Variants in NFATC1 observed in about 807,000 individuals in gnomAD.
NFATC1 encodes nuclear factor of activated T-cells, cytoplasmic 1.
NFATC1 carries 22 observed loss-of-function variants against 76.0 expected under a neutral mutation model. That is an observed-to-expected ratio of 0.29 (90% CI 0.21 to 0.41). The LOEUF (loss-of-function observed/expected upper bound fraction) is 0.41. Ranked by LOEUF, NFATC1 falls within the 10% of genes least tolerant of loss-of-function variation. The pLI is 1.00. For synonymous variants in NFATC1, 704 were observed against 613.1 expected, an observed-to-expected ratio of 1.15 and a Z score of -2.19; for missense variants, 1,357 against 1,337.7, an observed-to-expected ratio of 1.01 and a Z score of -0.23.
At chr18:79,484,541 A>G (rs1034287097) in intron 8 of NFATC1, among the ~76,000 whole-genome samples, 25 of 151,724 alleles carry the variant, frequency 1.6e-4, no homozygotes, top group Admixed American at 1.5e-3. Flanking sequence ...CTCCCCACTC[A>G]GTGTGCAGGG....
chr18:79,459,985 C>A (rs1035872543), intron 6 of NFATC1, among the ~76,000 whole-genome samples: 2 of 152,232 alleles, frequency 1.3e-5, no homozygotes, highest in Non-Finnish European at 2.9e-5. Context: ...ACTCAGATGG[C>A]TTCAAGCGCA....
At chr18:79,438,459 CA>C (rs143905735) in intron 3 of NFATC1, among the ~76,000 whole-genome samples, 2,067 of 152,322 alleles carry the variant, frequency 0.014, 51 homozygotes, top group African/African-American at 0.046. Context: ...ACCTCTGACC[CA>C]GGGGTCAAAT....
chr18:79,450,910 C>T (rs755429103), intron 4 of NFATC1, 44 bp from the exon 5 acceptor site: 29 of 1,590,128 alleles, frequency 1.8e-5, no homozygotes, highest in African/African-American at 4.0e-5. Context: ...TACGCTCCCG[C>T]GTCAGCCATT....
intron 8 of NFATC1, among the ~76,000 whole-genome samples, chr18:79,481,893 G>A (rs1392546898): frequency 1.3e-5 from 2 of 149,564 alleles, no homozygotes; most frequent in Non-Finnish European, 3.0e-5. Flanking sequence ...TGTCATTCCA[G>A]CGTGACCTGG....
At chr18:79,406,447 G>A (rs539434996) in intron 1 of NFATC1, among the ~76,000 whole-genome samples, 7 of 152,204 alleles carry the variant, frequency 4.6e-5, no homozygotes, top group East Asian at 3.9e-4. Flanking sequence ...TCGGATCCAC[G>A]CTGCCATCGT....
At chr18:79,468,001 T>TA (rs2088605977) in intron 8 of NFATC1, 1 of 1,006,428 alleles carries the variant, frequency 9.9e-7, no homozygotes, top group African/African-American at 1.7e-5. Context: ...TTTAAGCCTG[T>TA]AGTCCTGATG....
chr18:79,478,754 C>T (rs1378766240), intron 8 of NFATC1, among the ~76,000 whole-genome samples: 1 of 152,192 alleles, frequency 6.6e-6, no homozygotes, highest in East Asian at 1.9e-4. Context: ...TCACCTGGGG[C>T]GGAAGCCCCC....
At chr18:79,527,206 C>T (rs1271243717) in intron 9 of NFATC1, 2 of 270,774 alleles carry the variant, frequency 7.4e-6, no homozygotes, top group Non-Finnish European at 1.4e-5. Flanking sequence ...CTGTGGGTCG[C>T]TTGGTTCGTG....
At chr18:79,455,637 C>T (rs1387018826) in intron 6 of NFATC1, among the ~76,000 whole-genome samples, 2 of 152,126 alleles carry the variant, frequency 1.3e-5, no homozygotes, top group Non-Finnish European at 2.9e-5. Context: ...AGACAGAGCC[C>T]CTCCCGGAGG....
intron 3 of NFATC1, among the ~76,000 whole-genome samples, chr18:79,444,547 C>T (rs1250929994): frequency 6.6e-6 from 1 of 152,200 alleles, no homozygotes; most frequent in Non-Finnish European, 1.5e-5. Flanking sequence ...CTGAAGGGGC[C>T]AGGGCAGGGC....
chr18:79,422,640 C>T (rs891819134), intron 2 of NFATC1: 1 of 152,240 alleles, frequency 6.6e-6, no homozygotes, highest in Non-Finnish European at 1.5e-5. Flanking sequence ...GATCCCACAG[C>T]GAGGCCCTGT....
At chr18:79,519,199 A>C (rs1372518377) in intron 9 of NFATC1, among the ~76,000 whole-genome samples, 3 of 152,232 alleles carry the variant, frequency 2.0e-5, no homozygotes, top group Admixed American at 2.0e-4. Context: ...GGAAAGTGGG[A>C]GAATTTTAGT....
In NFATC1 at chr18:79,433,773, T is replaced by G. The variant is rs760038753; in HGVS notation, c.1386+35T>G. 40 of 1,589,490 alleles carry G rather than the reference T, an allele frequency of 2.5e-5. No homozygotes were observed. The Admixed American group carries it at 7.0e-4, about 28-fold the overall frequency. On this transcript the variant is annotated intron_variant, in intron 3 of 9. Transcript: ENST00000427363. ...GCGGCCAGACTCGCACGTCACTTGGTGCTTTTGTGGTCAAAAAGTAACTTT... is the reference window on the plus strand; with the variant it reads ...GCGGCCAGACTCGCACGTCACTTGGGGCTTTTGTGGTCAAAAAGTAACTTT...
At chr18:79,521,134 G>A (rs1241378235) in intron 9 of NFATC1, among the ~76,000 whole-genome samples, 2 of 85,710 alleles carry the variant, frequency 2.3e-5, no homozygotes, top group African/African-American at 5.4e-5. Context: ...GCTGATGTGT[G>A]TGTCTGTGTG....
intron 8 of NFATC1, among the ~76,000 whole-genome samples, chr18:79,482,888 C>T (rs1331690519): frequency 1.8e-5 from 1 of 54,690 alleles, no homozygotes; most frequent in Non-Finnish European, 3.4e-5. Context: ...TTCCTGGGGT[C>T]TCATTCCAGC....
chr18:79,424,346 G>A (rs1194140972), intron 2 of NFATC1, among the ~76,000 whole-genome samples: 2 of 152,234 alleles, frequency 1.3e-5, no homozygotes, highest in East Asian at 3.9e-4. Flanking sequence ...CAGGTCAGGG[G>A]GCAAAGCTGG....
chr18:79,492,175 G>C (rs1313191794), intron 9 of NFATC1, among the ~76,000 whole-genome samples: 1 of 152,204 alleles, frequency 6.6e-6, no homozygotes, highest in Non-Finnish European at 1.5e-5. Context: ...AGGGGTCTGA[G>C]GAGGGCAGTT....
chr18:79,438,360 C>T (rs1400756457), intron 3 of NFATC1, among the ~76,000 whole-genome samples: 1 of 152,204 alleles, frequency 6.6e-6, no homozygotes, highest in East Asian at 1.9e-4. Context: ...GAGAAGATGT[C>T]TTTGCAGCAC....
At chr18:79,429,092 G>A (rs951803491) in intron 2 of NFATC1, among the ~76,000 whole-genome samples, 1 of 152,020 alleles carries the variant, frequency 6.6e-6, no homozygotes, top group Non-Finnish European at 1.5e-5. Flanking sequence ...GTGGTGGTGG[G>A]CACCTGTACT....
Sources: allele counts gnomAD v4.1 joint callset (sites outside exome capture counted in the v4.1 genomes callset), GRCh38; gene constraint gnomAD v4.1.1; transcripts MANE v1.5; gene names NCBI Gene and HGNC (gene_info 2026-07-23, HGNC 2026-07-21).